RTN4IP1: variants seen among roughly 807,000 people sequenced by gnomAD.
RTN4IP1 encodes the protein reticulon 4 interacting protein 1.
In RTN4IP1, 32 loss-of-function variants were observed where a neutral mutation model predicts 46.6. The observed-to-expected ratio is 0.69, with a 90% CI of 0.52 to 0.92. The LOEUF (loss-of-function observed/expected upper bound fraction) is 0.92, where lower values mean the gene tolerates loss of function less well. RTN4IP1 is among the 40% of genes least tolerant of loss of function. The pLI is 0.00. For synonymous variants in RTN4IP1, 167 were observed against 161.8 expected (o/e 1.03, Z -0.24); for missense variants, 424 against 485.8 (o/e 0.87, Z 1.20).
chr6:106,588,003 A>C (rs890199128), intron 6 of RTN4IP1, 141 bp from the exon 7 acceptor site: 1 of 650,166 alleles, frequency 1.5e-6, no homozygotes, highest in Non-Finnish European at 2.5e-6. Context: ...CATCCTGCAG[A>C]GGGGTGGCTG....
chr6:106,578,068 C>T (rs1278004548), intron 8 of RTN4IP1, among the ~76,000 whole-genome samples: 1 of 152,144 alleles, frequency 6.6e-6, no homozygotes. Flanking sequence ...AACACAGTTA[C>T]ACAGTCCTTC....
intron 5 of RTN4IP1, 43 bp from the exon 6 acceptor site, chr6:106,592,343 A>G: frequency 6.3e-7 from 1 of 1,594,968 alleles, no homozygotes; most frequent in Non-Finnish European, 8.5e-7. Context: ...AAAGGGAGAG[A>G]TTAGAAAAAC....
chr6:106,594,802 T>C (rs1302537382), intron 5 of RTN4IP1, among the ~76,000 whole-genome samples: 2 of 151,920 alleles, frequency 1.3e-5, no homozygotes, highest in African/African-American at 4.8e-5. Flanking sequence ...TATTTTTGGG[T>C]TGTTTTGGTT....
At chr6:106,601,795 G>C (rs553091749) in intron 5 of RTN4IP1, among the ~76,000 whole-genome samples, 3 of 152,052 alleles carry the variant, frequency 2.0e-5, no homozygotes, top group Non-Finnish European at 4.4e-5. Flanking sequence ...ATTTTTAGTA[G>C]AGACAGGGTT....
chr6:106,570,785 G>A lies in RTN4IP1; in HGVS notation c.*1211C>T, dbSNP rs1162106023. The A allele has an allele frequency of 6.6e-6, 1 of 152,104 alleles. No individual in the cohort carries two copies. Among genetic ancestry groups the A allele is most frequent in the Non-Finnish European group, 1.5e-5 (1 of 68,026 alleles). The allele number at this position is 152,104 out of a possible 1,614,324, so 9.4% of individuals were successfully genotyped here. A position where few individuals can be genotyped will look rare whatever the true frequency, so the allele number is the denominator to read the frequency against. The stretch of plus-strand genomic sequence containing the variant: ...TTTTTTCTTTTGCAATAACTCGGTA[G>A]TAAGACCAGACCAACAATTTTAGAG... On this transcript the variant is annotated 3_prime_UTR_variant, in exon 9 of 9. Transcript: ENST00000369063.
intron 3 of RTN4IP1, among the ~76,000 whole-genome samples, chr6:106,619,983 T>A (rs1263589123): frequency 6.6e-6 from 1 of 152,180 alleles, no homozygotes; most frequent in African/African-American, 2.4e-5. Flanking sequence ...ACATAACATA[T>A]TCTAGCTTCC....
intron 1 of RTN4IP1, 60 bp downstream of exon 1, chr6:106,628,688 C>T: frequency 4.8e-6 from 7 of 1,446,454 alleles, no homozygotes; most frequent in Non-Finnish European, 5.7e-6. Context: ...TTTTTTAAAA[C>T]GGCATACCTT....
At chr6:106,628,186 T>G (rs977039214) in intron 1 of RTN4IP1, among the ~76,000 whole-genome samples, 2 of 151,528 alleles carry the variant, frequency 1.3e-5, no homozygotes, top group African/African-American at 4.8e-5. Flanking sequence ...GCTACAAACA[T>G]AGGCAGGGCG....
intron 4 of RTN4IP1, among the ~76,000 whole-genome samples, chr6:106,615,280 A>G (rs1268960466): frequency 6.6e-6 from 1 of 152,136 alleles, no homozygotes; most frequent in African/African-American, 2.4e-5. Context: ...TTTTAATATA[A>G]GCATATCGGT....
intron 4 of RTN4IP1, among the ~76,000 whole-genome samples, chr6:106,611,464 C>T (rs1018068639): frequency 6.6e-6 from 1 of 152,128 alleles, no homozygotes; most frequent in Non-Finnish European, 1.5e-5. Context: ...ATGGTGAAAT[C>T]GACCATCAGT....
chr6:106,596,527 G>A (rs546690845), intron 5 of RTN4IP1, among the ~76,000 whole-genome samples: 6 of 152,306 alleles, frequency 3.9e-5, no homozygotes, highest in Non-Finnish European at 8.8e-5. Context: ...AGGTTGCAGT[G>A]AGCTGTGATC....
chr6:106,624,490 C>G lies in RTN4IP1; in HGVS notation c.275-1521G>C, dbSNP rs544010825. Reference sequence around the variant, plus strand: ...TCAACCTCTGGAGTAGTTGGGATTACAGGTGTGCGCCACGTCTGGCTAATT... The same window carrying G: ...TCAACCTCTGGAGTAGTTGGGATTAGAGGTGTGCGCCACGTCTGGCTAATT... On this transcript the variant is annotated intron_variant, in intron 1 of 8. Transcript: ENST00000369063. Among the ~76,000 whole-genome samples the G allele has an allele frequency of 1.6e-4, 25 of 151,966 alleles. No homozygotes were observed. The South Asian group carries it at 4.4e-3, about 27-fold the overall frequency.
chr6:106,578,121 C>T, intron 8 of RTN4IP1, among the ~76,000 whole-genome samples: 1 of 152,208 alleles, frequency 6.6e-6, no homozygotes. Flanking sequence ...CCACCACCTC[C>T]TCTCAGTCCT....
rs533328184 is a variant in RTN4IP1 at position 106,620,395 on chromosome 6, A to C, written c.495+1030T>G. Among the ~76,000 whole-genome samples the C allele has an allele frequency of 2.6e-5, 4 of 152,176 alleles. No individual in the cohort carries two copies. In the East Asian group the frequency reaches 7.7e-4, roughly 29 times the overall value. On this transcript the variant is annotated intron_variant, in intron 3 of 8. Transcript: ENST00000369063. ...TGGGATTACAGGTGTGAGCCACTGC[A>C]CCCAGCCTTAGTTGGCTTTTTATGT...
intron 7 of RTN4IP1, among the ~76,000 whole-genome samples, chr6:106,586,957 G>A (rs948734513): frequency 3.3e-5 from 5 of 152,154 alleles, no homozygotes; most frequent in Admixed American, 1.3e-4. Context: ...TGGTAAAAGT[G>A]GCCCTGTTTC....
chr6:106,609,601 G>A (rs1776173103), intron 4 of RTN4IP1, among the ~76,000 whole-genome samples: 2 of 152,062 alleles, frequency 1.3e-5, no homozygotes, highest in African/African-American at 4.8e-5. Context: ...TCAAGTGAGG[G>A]GATCGCCTGG....
intron 5 of RTN4IP1, among the ~76,000 whole-genome samples, chr6:106,598,265 C>T (rs1255020605): frequency 3.3e-5 from 5 of 152,156 alleles, no homozygotes; most frequent in East Asian, 1.9e-4. Flanking sequence ...CCTGAGGAAT[C>T]GCCACACTGA....
rs375462213 is a variant in RTN4IP1 at position 106,624,538 on chromosome 6, T to A, written c.275-1569A>T. ...ATTTTGTAGAAACAGGGATTCATCA[T>A]GTTGGCCAGGCTGGTCTCAAACTCC... On this transcript the variant is annotated intron_variant, in intron 1 of 8. Coordinates refer to ENST00000369063, the MANE Select transcript of RTN4IP1 (RefSeq NM_032730.5). Among the ~76,000 whole-genome samples the A allele has an allele frequency of 2.0e-5, 3 of 151,228 alleles. No individual in the cohort carries two copies. In the South Asian group the frequency reaches 6.3e-4, roughly 32 times the overall value.
At chr6:106,630,450 C>G (rs1776798688), upstream of RTN4IP1, among the ~76,000 whole-genome samples, 1 of 152,214 alleles carries the variant, frequency 6.6e-6, no homozygotes, top group Non-Finnish European at 1.5e-5. Context: ...CAATAAATCA[C>G]TAAGCCCTCT....
Sources: allele counts gnomAD v4.1 joint callset (sites outside exome capture counted in the v4.1 genomes callset), GRCh38; gene constraint gnomAD v4.1.1; transcripts MANE v1.5; gene names NCBI Gene and HGNC (gene_info 2026-07-23, HGNC 2026-07-21).